Variants in B3GALT1 observed in about 807,000 individuals in gnomAD.
B3GALT1 encodes UDP-Gal:betaGlcNAc beta 1,3-galactosyltransferase, polypeptide 1.
B3GALT1 carries 10 observed loss-of-function variants against 23.2 expected under a neutral mutation model. The ratio of observed to expected loss-of-function variants is 0.43; its 90% CI spans 0.27 to 0.73. The LOEUF (loss-of-function observed/expected upper bound fraction) is 0.73, where lower values mean the gene tolerates loss of function less well. Ranked by LOEUF, B3GALT1 falls within the 30% of genes least tolerant of loss-of-function variation. B3GALT1 has a pLI of 0.21. For synonymous variants in B3GALT1, 156 were observed against 141.5 expected, an observed-to-expected ratio of 1.10 and a Z score of -0.73; for missense variants, 299 against 405.4, an observed-to-expected ratio of 0.74 and a Z score of 2.25.
At chr2:167,792,004 A>G (rs1310718662) in intron 3 of B3GALT1, among the ~76,000 whole-genome samples, 1 of 152,060 alleles carries the variant, frequency 6.6e-6, no homozygotes, top group African/African-American at 2.4e-5. Flanking sequence ...ATTTAGTGCA[A>G]TTTATGACTT....
intron 3 of B3GALT1, among the ~76,000 whole-genome samples, chr2:167,736,577 T>C (rs571084815): frequency 4.9e-4 from 74 of 152,240 alleles, no homozygotes; most frequent in African/African-American, 1.6e-3. Flanking sequence ...TCAGCTAGAA[T>C]AGATTTCAGA....
At chr2:167,669,433 A>G (rs1574202845) in intron 3 of B3GALT1, among the ~76,000 whole-genome samples, 1 of 152,206 alleles carries the variant, frequency 6.6e-6, no homozygotes, top group Non-Finnish European at 1.5e-5. Flanking sequence ...TTTCCCAAGA[A>G]ACGAAGAAAT....
chr2:167,612,235 A>T (rs1685079225), intron 2 of B3GALT1, among the ~76,000 whole-genome samples: 1 of 151,988 alleles, frequency 6.6e-6, no homozygotes, highest in Non-Finnish European at 1.5e-5. Flanking sequence ...TGGTTAATTC[A>T]TGAATAGTGG....
At chr2:167,737,816 T>G (rs1490232355) in intron 3 of B3GALT1, among the ~76,000 whole-genome samples, 2 of 152,168 alleles carry the variant, frequency 1.3e-5, no homozygotes, top group Non-Finnish European at 2.9e-5. Flanking sequence ...TCTGCTAGAG[T>G]AAGCTGATGA....
At chr2:167,620,364 G>T (rs772594288) in intron 2 of B3GALT1, among the ~76,000 whole-genome samples, 1 of 152,088 alleles carries the variant, frequency 6.6e-6, no homozygotes, top group African/African-American at 2.4e-5. Context: ...TAGAGAACAG[G>T]CAGAGGGAGG....
chr2:167,525,815 T>C (rs1683210348), intron 2 of B3GALT1, among the ~76,000 whole-genome samples: 1 of 151,424 alleles, frequency 6.6e-6, no homozygotes, highest in African/African-American at 2.4e-5. Context: ...GGTCCGCCTA[T>C]GTTGCCCAGG....
intron 1 of B3GALT1, among the ~76,000 whole-genome samples, chr2:167,354,387 G>T (rs778208748): frequency 3.2e-4 from 43 of 133,230 alleles, no homozygotes; most frequent in Non-Finnish European, 5.2e-4. Context: ...TCACTCTGTT[G>T]CCAGGCTGGA....
At chr2:167,409,900 C>G (rs539958481) in intron 1 of B3GALT1, among the ~76,000 whole-genome samples, 1 of 151,956 alleles carries the variant, frequency 6.6e-6, no homozygotes, top group Non-Finnish European at 1.5e-5. Context: ...CCAGAAATAC[C>G]ATTTGACCCA....
At chr2:167,812,100 G>T (rs1251883326) in intron 3 of B3GALT1, among the ~76,000 whole-genome samples, 1 of 152,162 alleles carries the variant, frequency 6.6e-6, no homozygotes, top group African/African-American at 2.4e-5. Context: ...CAAAACAACT[G>T]CCCCCAGATG....
Position 167,709,841 on chromosome 2 carries a change from T to C in B3GALT1, c.-352+62875T>C, listed in dbSNP as rs117138344. 6.0e-4 allele frequency among the ~76,000 whole-genome samples: 92 copies of C among 152,336 alleles called. 2 individuals are homozygous for C. The East Asian group carries it at 0.017, about 28-fold the overall frequency. On this transcript the variant is annotated intron_variant, in intron 3 of 4. Transcript: ENST00000392690. Reference sequence around the variant, plus strand: ...CATGCTAAGACTCAGTTCACCCATTTATGAAATGAGACAAATATTCCTACA... The same window carrying C: ...CATGCTAAGACTCAGTTCACCCATTCATGAAATGAGACAAATATTCCTACA...
At chr2:167,662,684 A>T (rs1686081677) in intron 3 of B3GALT1, among the ~76,000 whole-genome samples, 1 of 151,944 alleles carries the variant, frequency 6.6e-6, no homozygotes, top group African/African-American at 2.4e-5. Context: ...ATGGCTCCCC[A>T]TATGACATAG....
intron 1 of B3GALT1, among the ~76,000 whole-genome samples, chr2:167,427,842 C>T (rs899789785): frequency 1.3e-5 from 2 of 152,204 alleles, no homozygotes; most frequent in African/African-American, 4.8e-5. Context: ...CCATGTTTCT[C>T]ACAACTTTTG....
At chr2:167,767,931 G>A (rs948171956) in intron 3 of B3GALT1, among the ~76,000 whole-genome samples, 3 of 152,144 alleles carry the variant, frequency 2.0e-5, no homozygotes, top group African/African-American at 7.2e-5. Context: ...TCAGAGAGCT[G>A]AGAGCTGACA....
At chr2:167,857,238 G>A (rs1690015978) in intron 4 of B3GALT1, among the ~76,000 whole-genome samples, 1 of 152,032 alleles carries the variant, frequency 6.6e-6, no homozygotes, top group Non-Finnish European at 1.5e-5. Flanking sequence ...TGATGCAGTG[G>A]GGAGGAGAGC....
rs561472953 is a variant in B3GALT1 at position 167,692,776 on chromosome 2, A to G, written c.-352+45810A>G. Among the ~76,000 whole-genome samples the G allele has an allele frequency of 2.0e-5, 3 of 152,268 alleles. No homozygotes were observed. In the South Asian group the frequency reaches 6.2e-4, roughly 32 times the overall value. ...AATGCCAAGTGTCATCTACTCAGTA[A>G]CATAACTACAAATAAATGATTTTTT... On this transcript the variant is annotated intron_variant, in intron 3 of 4. Transcript: ENST00000392690.
At chr2:167,474,321 C>A (rs952626910) in intron 1 of B3GALT1, among the ~76,000 whole-genome samples, 5 of 152,168 alleles carry the variant, frequency 3.3e-5, no homozygotes, top group African/African-American at 1.2e-4. Flanking sequence ...TGAATTGATC[C>A]ATTTAGCACA....
intron 2 of B3GALT1, among the ~76,000 whole-genome samples, chr2:167,577,120 T>A (rs1684401175): frequency 6.6e-6 from 1 of 151,774 alleles, no homozygotes; most frequent in East Asian, 1.9e-4. Flanking sequence ...TAGCAGTTGG[T>A]GAAACTGATG....
At chr2:167,670,358 A>G (rs1018200264) in intron 3 of B3GALT1, among the ~76,000 whole-genome samples, 1 of 152,186 alleles carries the variant, frequency 6.6e-6, no homozygotes, top group Non-Finnish European at 1.5e-5. Flanking sequence ...ACCCATAGAA[A>G]AAGTCTGAGA....
intron 2 of B3GALT1, among the ~76,000 whole-genome samples, chr2:167,564,670 G>T (rs539030560): frequency 6.6e-6 from 1 of 152,122 alleles, no homozygotes; most frequent in Non-Finnish European, 1.5e-5. Context: ...AGACCAGCCC[G>T]GCCAACACAG....
Sources: allele counts gnomAD v4.1 joint callset (sites outside exome capture counted in the v4.1 genomes callset), GRCh38; gene constraint gnomAD v4.1.1; transcripts MANE v1.5; gene names NCBI Gene and HGNC (gene_info 2026-07-23, HGNC 2026-07-21).